MYT1L: variants seen among roughly 807,000 people sequenced by gnomAD.
MYT1L encodes myelin transcription factor 1 like, also known as myelin transcription factor 1-like protein.
A neutral mutation model predicts 126.7 loss-of-function variants in MYT1L; 12 were observed. The ratio of observed to expected loss-of-function variants is 0.09; its 90% CI spans 0.06 to 0.15. The LOEUF is 0.15. Ranked by LOEUF, MYT1L falls within the 10% of genes least tolerant of loss-of-function variation. The pLI is 1.00. For synonymous variants in MYT1L, 541 were observed against 604.2 expected, an observed-to-expected ratio of 0.90 and a Z score of 1.53; for missense variants, 979 against 1,585.2, an observed-to-expected ratio of 0.62 and a Z score of 6.49.
At chr2:2,152,392 CTG>C (rs1433285453) in intron 3 of MYT1L, among the ~76,000 whole-genome samples, 2 of 152,208 alleles carry the variant, frequency 1.3e-5, no homozygotes, top group African/African-American at 2.4e-5. Context: ...CATTCTCAAA[CTG>C]GGGTTGACTG....
rs58799582 is a variant in MYT1L, at chr2:2,286,562, C to T, written c.-520-2059G>A. On this transcript the variant is annotated intron_variant, in intron 1 of 24. Coordinates refer to ENST00000647738, the MANE Select transcript of MYT1L (RefSeq NM_001303052.2). ...AACTTTTATGAGAATGTCTGGTCTT[C>T]GGATTTTACTTTACAACTGAAAAGG... Among the ~76,000 whole-genome samples, 4 of 152,240 alleles carry T rather than the reference C, an allele frequency of 2.6e-5. No individual in the cohort carries two copies. In the East Asian group the frequency reaches 5.8e-4, roughly 22 times the overall value.
chr2:2,152,101 A>G (rs2085891585), intron 3 of MYT1L, among the ~76,000 whole-genome samples: 1 of 152,224 alleles, frequency 6.6e-6, no homozygotes. Context: ...GCACAACTAT[A>G]ATAACATGCT....
chr2:2,003,942 AGTTCTTTCCTGCATGC>A lies in MYT1L; in HGVS notation c.-157-6611_-157-6596del, dbSNP rs1476429382. ...TCGTGCATGCCTTCTTTCCTGCATGAGTTCTTTCCTGCATGCGTTCTTTCCTGCAGGCATTCTTTCC... is the reference window on the plus strand; with the variant it reads ...TCGTGCATGCCTTCTTTCCTGCATGAGTTCTTTCCTGCAGGCATTCTTTCC... On this transcript the variant is annotated intron_variant, in intron 4 of 24. Transcript: ENST00000647738. Among the ~76,000 whole-genome samples the A allele has an allele frequency of 1.6e-3, 240 of 148,900 alleles. 2 individuals are homozygous for A. Among genetic ancestry groups the A allele is most frequent in the African/African-American group, 5.4e-3 (220 of 40,458 alleles).
At chr2:2,085,280 C>T (rs1471724367) in intron 3 of MYT1L, among the ~76,000 whole-genome samples, 1 of 152,112 alleles carries the variant, frequency 6.6e-6, no homozygotes, top group African/African-American at 2.4e-5. Context: ...ACTCCCCTGC[C>T]CCAAATCCTC....
intron 2 of MYT1L, among the ~76,000 whole-genome samples, chr2:2,205,256 G>A (rs769873647): frequency 3.6e-4 from 54 of 151,590 alleles, no homozygotes; most frequent in Non-Finnish European, 6.0e-4. Context: ...ACCCTAAAAC[G>A]TAAAGTATAA....
intron 2 of MYT1L, among the ~76,000 whole-genome samples, chr2:2,216,985 G>T (rs950964237): frequency 6.6e-6 from 1 of 152,098 alleles, no homozygotes; most frequent in Non-Finnish European, 1.5e-5. Context: ...ATAAGAAATA[G>T]GTATCTTGGA....
rs570452942 is a variant in MYT1L, at chr2:2,176,726, T to A, written c.-420-3738A>T. ...GTTGGCCAGGCTGGTCTCAAACTCC[T>A]GACCTTAAGTGATCTGCCTGCCTCG... On this transcript the variant is annotated intron_variant, in intron 2 of 24. Coordinates refer to ENST00000647738, the MANE Select transcript of MYT1L (RefSeq NM_001303052.2). 6.4e-4 allele frequency among the ~76,000 whole-genome samples: 97 copies of A among 152,258 alleles called. No individual in the cohort carries two copies. The South Asian group carries it at 0.02, about 31-fold the overall frequency.
At chr2:2,327,761 C>T (rs1051778921) in intron 1 of MYT1L, among the ~76,000 whole-genome samples, 1 of 152,136 alleles carries the variant, frequency 6.6e-6, no homozygotes, top group African/African-American at 2.4e-5. Context: ...ACTGTAAGTG[C>T]AAAGCAGAGT....
chr2:2,169,202 C>T (rs2089629632), intron 3 of MYT1L, among the ~76,000 whole-genome samples: 1 of 152,210 alleles, frequency 6.6e-6, no homozygotes, highest in Non-Finnish European at 1.5e-5. Context: ...TAGGAAATAT[C>T]TGCTGGACAC....
At chr2:1,955,918 G>C (rs961003408) in intron 8 of MYT1L, among the ~76,000 whole-genome samples, 1 of 152,168 alleles carries the variant, frequency 6.6e-6, no homozygotes, top group Non-Finnish European at 1.5e-5. Flanking sequence ...CCACTCTAAA[G>C]TCACCACATG....
chr2:1,943,441 T>C lies in MYT1L; in HGVS notation c.153-107A>G. ...GGCCTTGATCAAGGTACTTAAAGGC[T>C]TATCATGAATGTCATCAGCACAAAC... On this transcript the variant is annotated intron_variant, in intron 8 of 24. Coordinates refer to ENST00000647738, the MANE Select transcript of MYT1L (RefSeq NM_001303052.2). The surrounding 1 kb of genome is among the most constrained non-coding windows in gnomAD (Gnocchi z 4.4). 1 of 1,256,754 alleles carries C rather than the reference T, an allele frequency of 8.0e-7. No individual in the cohort carries two copies. The highest frequency in any genetic ancestry group is 1.1e-6 in the Non-Finnish European group (1 of 937,430). 77.9% of individuals were successfully genotyped at this position (1,256,754 alleles called of 1,614,324 possible).
rs116163603 is a variant in MYT1L at position 1,867,643 on chromosome 2, G to A, written c.2712-15940C>T. On this transcript the variant is annotated intron_variant, in intron 18 of 24. Coordinates refer to ENST00000647738, the MANE Select transcript of MYT1L (RefSeq NM_001303052.2). Reference sequence around the variant, plus strand: ...GGTTTCTGGGGGTGGGGGACCTCGGGGCGCTCTCTGGCTCTCCTCCAGAGA... The same window carrying A: ...GGTTTCTGGGGGTGGGGGACCTCGGAGCGCTCTCTGGCTCTCCTCCAGAGA... 4.2e-3 allele frequency among the ~76,000 whole-genome samples: 639 copies of A among 152,252 alleles called. 3 individuals are homozygous for A. Among genetic ancestry groups the A allele is most frequent in the African/African-American group, 0.013 (539 of 41,548 alleles).
intron 5 of MYT1L, among the ~76,000 whole-genome samples, chr2:1,995,493 C>A (rs1036256841): frequency 6.6e-6 from 1 of 152,184 alleles, no homozygotes; most frequent in Non-Finnish European, 1.5e-5. Context: ...TAAAAAAACA[C>A]CTGCCTCTTG....
At chr2:2,260,582 G>A (rs953307800) in intron 2 of MYT1L, among the ~76,000 whole-genome samples, 11 of 152,064 alleles carry the variant, frequency 7.2e-5, no homozygotes, top group African/African-American at 2.2e-4. Context: ...GAGCAACTTT[G>A]AAATTTCTTT....
At chr2:1,995,131 T>C (rs888962891) in intron 5 of MYT1L, among the ~76,000 whole-genome samples, 3 of 152,190 alleles carry the variant, frequency 2.0e-5, no homozygotes, top group African/African-American at 7.2e-5. Flanking sequence ...TTTTTTTTTT[T>C]TCCTACTTAC....
At chr2:2,114,224 T>G (rs903837780) in intron 3 of MYT1L, among the ~76,000 whole-genome samples, 5 of 152,226 alleles carry the variant, frequency 3.3e-5, no homozygotes, top group African/African-American at 9.6e-5. Context: ...TTTCCTGGTA[T>G]AGACTAGAAA....
At chr2:1,991,359 C>A (rs1215821948) in intron 5 of MYT1L, among the ~76,000 whole-genome samples, 1 of 152,104 alleles carries the variant, frequency 6.6e-6, no homozygotes, top group Non-Finnish European at 1.5e-5. Flanking sequence ...TTCAGTGACA[C>A]GATCATGGCT....
At chr2:2,089,513 G>A (rs1324927188) in intron 3 of MYT1L, among the ~76,000 whole-genome samples, 1 of 152,178 alleles carries the variant, frequency 6.6e-6, no homozygotes, top group Non-Finnish European at 1.5e-5. Flanking sequence ...GTTGAGAGGT[G>A]GGATCTAGAG....
chr2:2,150,456 T>G (rs1344196998), intron 3 of MYT1L, among the ~76,000 whole-genome samples: 1 of 152,122 alleles, frequency 6.6e-6, no homozygotes, highest in East Asian at 1.9e-4. Context: ...TTGAAAAAAA[T>G]AAGTCAGTGT....
Sources: gnomAD v4.1 joint callset for allele counts (sites outside exome capture counted in the v4.1 genomes callset) on GRCh38, gnomAD v4.1.1 for gene constraint, Gnocchi (gnomAD v3.1) non-coding constraint, MANE v1.5 for transcripts, NCBI Gene and HGNC (gene_info 2026-07-23, HGNC 2026-07-21) for gene names.